Variants in RDX observed in about 807,000 individuals in gnomAD.
RDX encodes the protein deafness, autosomal recessive 24.
A neutral mutation model predicts 83.7 loss-of-function variants in RDX; 32 were observed. The observed-to-expected ratio is 0.38, with a 90% CI of 0.29 to 0.51. RDX has a LOEUF of 0.51. Ranked by LOEUF, RDX falls within the 20% of genes least tolerant of loss-of-function variation. The pLI, the probability that RDX is intolerant of heterozygous loss-of-function variation, is 0.87. For synonymous variants in RDX, 229 were observed against 222.7 expected, an observed-to-expected ratio of 1.03 and a Z score of -0.25; for missense variants, 600 against 689.9, an observed-to-expected ratio of 0.87 and a Z score of 1.46.
At position 110,233,337 on chromosome 11, in the gene RDX, G is replaced by A. The variant is rs74983220; in HGVS notation, c.1487C>T (p.Ala496Val). 2.3e-3 allele frequency: 3,711 copies of A among 1,614,118 alleles called. 13 individuals carry two copies. The highest frequency in any genetic ancestry group is 2.8e-3 in the Non-Finnish European group (3,284 of 1,180,028). ...CCCTTCATTTGATAATTCAGCACTAGCTTCAGCATTATTCTCATCGTGTTC... is the reference window on the plus strand; with the variant it reads ...CCCTTCATTTGATAATTCAGCACTAACTTCAGCATTATTCTCATCGTGTTC... ...HDEHDENNAE[A>V]SAELSNEGVM... is the part of the protein sequence containing the mutation. The change falls in exon 13 of 14, where the codon GCT (alanine) becomes GTT (valine). Residue 496 changes from alanine to valine, a missense_variant. Physicochemically the swap from Ala to Val is moderately conservative, Grantham distance 64. Transcript: ENST00000645495.
At chr11:110,224,306 G>A (rs1022118566) in intron 14 of RDX, among the ~76,000 whole-genome samples, 1 of 151,824 alleles carries the variant, frequency 6.6e-6, no homozygotes, top group African/African-American at 2.4e-5. Flanking sequence ...GCAAAAAGAA[G>A]TCTGATAAAC....
At chr11:110,273,274 T>A (rs117439715) in intron 2 of RDX, among the ~76,000 whole-genome samples, 1,586 of 152,354 alleles carry the variant, frequency 0.01, 10 homozygotes, top group Non-Finnish European at 0.014. Context: ...AACTCCAAAT[T>A]CTTTGAATGT....
intron 2 of RDX, 21 bp downstream of exon 2, chr11:110,279,660 A>G: frequency 6.8e-7 from 1 of 1,472,208 alleles, no homozygotes; most frequent in Non-Finnish European, 9.5e-7. Context: ...GACACTGTCA[A>G]ATGTAATAAA....
intron 1 of RDX, among the ~76,000 whole-genome samples, chr11:110,289,623 A>C (rs889219646): frequency 6.6e-6 from 1 of 152,096 alleles, no homozygotes; most frequent in Non-Finnish European, 1.5e-5. Flanking sequence ...TTTCACTCAG[A>C]GTCCTTATGT....
At chr11:110,235,608 T>C (rs1446338522) in intron 12 of RDX, among the ~76,000 whole-genome samples, 1 of 152,220 alleles carries the variant, frequency 6.6e-6, no homozygotes, top group Non-Finnish European at 1.5e-5. Context: ...ACTGCCTTGC[T>C]GTAGCAGAGC....
chr11:110,261,894 T>A (rs1859822402), intron 5 of RDX, among the ~76,000 whole-genome samples: 1 of 152,222 alleles, frequency 6.6e-6, no homozygotes, highest in African/African-American at 2.4e-5. Flanking sequence ...AAGAGATTTT[T>A]TTCAATCACA....
intron 3 of RDX, among the ~76,000 whole-genome samples, chr11:110,270,798 G>C (rs568920165): frequency 2.0e-5 from 3 of 152,240 alleles, no homozygotes; most frequent in Admixed American, 6.5e-5. Flanking sequence ...TAAAAAACAA[G>C]TTTTATTTCT....
intron 9 of RDX, 93 bp from the exon 10 acceptor site, chr11:110,247,926 A>G: frequency 7.0e-7 from 1 of 1,432,860 alleles, no homozygotes. Flanking sequence ...GTAACAAAAT[A>G]ATGTCTTTTG....
At chr11:110,291,096 G>T (rs149900940) in intron 1 of RDX, among the ~76,000 whole-genome samples, 13 of 152,326 alleles carry the variant, frequency 8.5e-5, no homozygotes, top group African/African-American at 2.6e-4. Flanking sequence ...GGAGGCTGAG[G>T]CAGGAGGATC....
At chr11:110,247,602 C>A in intron 10 of RDX, 101 bp downstream of exon 10, 1 of 1,186,180 alleles carries the variant, frequency 8.4e-7, no homozygotes, top group Non-Finnish European at 1.2e-6. Context: ...ATACAATTGT[C>A]CTATATAACA....
intron 15 of RDX, among the ~76,000 whole-genome samples, chr11:110,180,654 CTTTT>C (rs11295043): frequency 1.3e-4 from 18 of 141,952 alleles, no homozygotes; most frequent in Non-Finnish European, 1.7e-4. Flanking sequence ...TATCTCAGAA[CTTTT>C]TTTTTTTTTT....
chr11:110,267,024 T>A lies in RDX; in HGVS notation c.97-2150A>T, dbSNP rs186459010. 4.0e-5 allele frequency among the ~76,000 whole-genome samples: 6 copies of A among 151,722 alleles called. No individual in the cohort carries two copies. In the East Asian group the frequency reaches 1.2e-3, roughly 30 times the overall value. On this transcript the variant is annotated intron_variant, in intron 3 of 13. Transcript: ENST00000645495. The stretch of plus-strand genomic sequence containing the variant: ...CTCAAGTGATCCTCCCACCTCAGCC[T>A]CCCGAGTAGCTCGGACCACAGGCAT...
rs181274829 is a variant in RDX at position 110,283,031 on chromosome 11, T to A, written c.-64-3275A>T. On this transcript the variant is annotated intron_variant, in intron 1 of 13. Transcript: ENST00000645495. Reference sequence around the variant, plus strand: ...ATCCACAGGATATCATCACTTTTTTTAAAAAAACAAAGGAATGAATGAAAA... The same window carrying A: ...ATCCACAGGATATCATCACTTTTTTAAAAAAAACAAAGGAATGAATGAAAA... Among the ~76,000 whole-genome samples, 419 of 152,186 alleles carry A rather than the reference T, an allele frequency of 2.8e-3. 1 individual carries two copies. The highest frequency in any genetic ancestry group is 7.3e-3 in the African/African-American group (301 of 41,508).
chr11:110,179,719 C>T (rs1248971458), intron 15 of RDX, among the ~76,000 whole-genome samples: 1 of 152,016 alleles, frequency 6.6e-6, no homozygotes, highest in East Asian at 1.9e-4. Context: ...TTGCAGTGAG[C>T]CAAGATCATA....
chr11:110,254,812 G>A (rs904001001), intron 8 of RDX, among the ~76,000 whole-genome samples: 1 of 151,990 alleles, frequency 6.6e-6, no homozygotes, highest in African/African-American at 2.4e-5. Flanking sequence ...GTAACTAACA[G>A]GGTTAGGATA....
chr11:110,292,941 G>A (rs1190530269), intron 1 of RDX, among the ~76,000 whole-genome samples: 1 of 152,126 alleles, frequency 6.6e-6, no homozygotes, highest in African/African-American at 2.4e-5. Flanking sequence ...TCAACTATAT[G>A]CCATATGCTA....
rs571767272 is a variant in RDX, at chr11:110,203,693, T to A, written c.1749-4015A>T. On this transcript the variant is annotated intron_variant, in intron 14 of 15. Coordinates refer to the RDX transcript ENST00000528498. ...TTAAAAATAAATTTTTTAAATAAAA[T>A]TTTTAGTAGCATCATCTACAAAAAA... is the stretch of plus-strand genomic sequence containing the variant. Among the ~76,000 whole-genome samples, 205 of 152,104 alleles carry A rather than the reference T, an allele frequency of 1.3e-3. 2 individuals carry two copies. The highest frequency in any genetic ancestry group is 4.8e-3 in the African/African-American group (199 of 41,536).
chr11:110,194,025 T>C (rs1863153708), intron 15 of RDX, among the ~76,000 whole-genome samples: 1 of 152,242 alleles, frequency 6.6e-6, no homozygotes, highest in South Asian at 2.1e-4. Flanking sequence ...GAATTAGCTG[T>C]TGAAGGCAGC....
At chr11:110,292,690 A>AT (rs1861294346) in intron 1 of RDX, among the ~76,000 whole-genome samples, 1 of 152,150 alleles carries the variant, frequency 6.6e-6, no homozygotes, top group South Asian at 2.1e-4. Context: ...AGCCATAGAG[A>AT]TTATCTACAA....
Sources: allele counts gnomAD v4.1 joint callset (sites outside exome capture counted in the v4.1 genomes callset), GRCh38; gene constraint gnomAD v4.1.1; transcripts MANE v1.5; gene names NCBI Gene and HGNC (gene_info 2026-07-23, HGNC 2026-07-21).